LONP1: variants seen among roughly 807,000 people sequenced by gnomAD.
LONP1 encodes lon peptidase 1, mitochondrial.
Under a neutral mutation model 98.5 loss-of-function variants are expected in LONP1, and 31 were observed. The observed-to-expected ratio is 0.31, with a 90% CI of 0.24 to 0.42. The LOEUF is 0.42. Among genes scored for constraint, LONP1 ranks in the 20% least tolerant of loss-of-function variants. The probability of loss-of-function intolerance (pLI) is 1.00; values close to 1 mark genes in which losing one functional copy is unlikely to be tolerated. For missense variants in LONP1, 1,336 were observed against 1,350.6 expected (o/e 0.99, Z 0.17); for synonymous variants, 781 against 594.7 (o/e 1.31, Z -4.56).
intron 13 of LONP1, among the ~76,000 whole-genome samples, chr19:5,695,810 T>C (rs2054915540): frequency 6.6e-6 from 1 of 152,174 alleles, no homozygotes; most frequent in Non-Finnish European, 1.5e-5. Context: ...AGACAGAGTG[T>C]GTGGCCTGAC....
chr19:5,695,991 C>A, intron 13 of LONP1, 63 bp downstream of exon 13: 1 of 1,467,992 alleles, frequency 6.8e-7, no homozygotes, highest in Non-Finnish European at 9.3e-7. Flanking sequence ...ACGGCCTCTG[C>A]AGGCTCTGGG....
rs1568329236 is a variant in LONP1, at chr19:5,716,300, A to ATATATATATG, written c.430-2030_430-2029insCATATATATA. 5.9e-5 allele frequency among the ~76,000 whole-genome samples: 7 copies of ATATATATATG among 118,650 alleles called. 1 individual carries two copies. The highest frequency in any genetic ancestry group is 2.2e-4 in the African/African-American group (7 of 31,330). The allele number at this position is 118,650 out of a possible 152,430, so 77.8% of individuals were successfully genotyped here. On this transcript the variant is annotated intron_variant, in intron 1 of 17. Transcript: ENST00000360614. ...TATATATATATATATATATATATAT[A>ATATATATATG]GTAATGGCCCTCAAACTTTTGCAGG... is the stretch of plus-strand genomic sequence containing the variant.
chr19:5,697,594 G>C (rs1053285395), intron 10 of LONP1, among the ~76,000 whole-genome samples: 6 of 132,444 alleles, frequency 4.5e-5, no homozygotes, highest in Non-Finnish European at 8.1e-5. Flanking sequence ...AAGAGAGGGA[G>C]AGAGAGGAGG....
chr19:5,707,921 C>A (rs905145626), intron 5 of LONP1, 95 bp from the exon 6 acceptor site: 2 of 1,460,412 alleles, frequency 1.4e-6, no homozygotes, highest in Non-Finnish European at 1.9e-6. Flanking sequence ...GGTCCCTGTC[C>A]CCTGTAGCTA....
At chr19:5,697,400 T>C (rs561760193) in intron 10 of LONP1, among the ~76,000 whole-genome samples, 1 of 150,760 alleles carries the variant, frequency 6.6e-6, no homozygotes, top group African/African-American at 2.4e-5. Context: ...GTCTGAGAGA[T>C]GTGTTCCAGG....
chr19:5,707,318 C>T (rs896348238), intron 6 of LONP1, among the ~76,000 whole-genome samples, 175 bp from the exon 7 acceptor site: 1 of 152,214 alleles, frequency 6.6e-6, no homozygotes, highest in Non-Finnish European at 1.5e-5. Flanking sequence ...GCTGGAAACG[C>T]ATCCTACGGA....
chr19:5,697,674 A>AGC (rs1305104653), intron 10 of LONP1, among the ~76,000 whole-genome samples: 1 of 151,186 alleles, frequency 6.6e-6, no homozygotes, highest in African/African-American at 2.4e-5. Context: ...GGAACGTGGG[A>AGC]GCCCTGGAGA....
chr19:5,696,355 C>T lies in LONP1; in HGVS notation c.1790G>A (p.Arg597Gln), dbSNP rs772877627. Reference protein sequence around the residue: ...ILIDEVDKIGRGYQGDPSSAL... With the variant: ...ILIDEVDKIGQGYQGDPSSAL... ...CGACGACGGGTCCCCCTGGTAGCCT[C>T]GGCCGATCTTGTCCACCTGGGGCAG... The change falls in exon 12 of 18, where the codon CGA becomes CAA. Residue 597 changes from arginine (R) to glutamine (Q), a missense_variant. By Grantham distance (43) the Arg-to-Gln change is conservative. Transcript: ENST00000360614. 91 of 1,612,916 alleles carry T rather than the reference C, an allele frequency of 5.6e-5. 1 individual carries two copies. The South Asian group carries it at 8.2e-4, about 15-fold the overall frequency.
rs1189724215 is a variant in LONP1, at chr19:5,695,999, G to T, written c.2013+55C>A. 8 of 1,510,584 alleles carry T rather than the reference G, an allele frequency of 5.3e-6. No individual in the cohort carries two copies. The South Asian group carries it at 8.1e-5, about 15-fold the overall frequency. The allele number at this position is 1,510,584 out of a possible 1,614,324, so 93.6% of individuals were successfully genotyped here. A position where few individuals can be genotyped will look rare whatever the true frequency, so the allele number is the denominator to read the frequency against. ...CAGAGGCACGGCCTCTGCAGGCTCT[G>T]GGGGGCGCCCCCTGCTCTGGGAAGG... On this transcript the variant is annotated intron_variant, in intron 13 of 17. Coordinates refer to ENST00000360614, the MANE Select transcript of LONP1 (RefSeq NM_004793.4).
At chr19:5,703,506 G>C (rs2145603538) in intron 8 of LONP1, among the ~76,000 whole-genome samples, 1 of 152,260 alleles carries the variant, frequency 6.6e-6, no homozygotes, top group East Asian at 1.9e-4. Flanking sequence ...GAGCAAGTCA[G>C]TGAGGGCTGC....
rs979582559 is a variant in LONP1 at position 5,694,812 on chromosome 19, C to T, written c.2103G>A (p.Lys701=). 5.6e-6 allele frequency: 9 copies of T among 1,600,518 alleles called. No homozygotes were observed. Among genetic ancestry groups the T allele is most frequent in the Admixed American group, 5.0e-5 (3 of 59,796 alleles). ...GGACACCGCTCTCGCGGCAGTACTG[C>T]TTGATGAGCAGCGTCAGCACGTCCG... ...LSSDVLTLLI[K]QYCRESGVRN... is the part of the protein sequence containing the mutation. The change falls in exon 14 of 18, where the codon AAG becomes AAA. Residue 701 remains lysine (K), a synonymous_variant. Transcript: ENST00000360614.
intron 9 of LONP1, among the ~76,000 whole-genome samples, chr19:5,699,510 T>C (rs1568316377): frequency 6.7e-6 from 1 of 150,266 alleles, no homozygotes; most frequent in African/African-American, 2.4e-5. Flanking sequence ...CTCCACTCTC[T>C]CCGGTCCAAC....
chr19:5,706,717 C>T (rs1322121645), intron 7 of LONP1, among the ~76,000 whole-genome samples: 1 of 152,198 alleles, frequency 6.6e-6, no homozygotes, highest in Non-Finnish European at 1.5e-5. Context: ...TCTTAAGAAA[C>T]AGCATCTTCA....
Position 5,719,891 on chromosome 19 carries a change from C to T in LONP1, c.242G>A (p.Gly81Glu). Residue 81 changes from glycine to glutamate, a missense_variant, in exon 1 of 18, where the codon GGG becomes GAG. Around this residue, in one of 5 missense-constraint regions of LONP1, gnomAD observed 457 missense variants for 403.1 expected, o/e 1.13. Coordinates refer to ENST00000360614, the MANE Select transcript of LONP1 (RefSeq NM_004793.4). The part of the protein sequence containing the change: ...ASSRGGGAFS[G>E]GEDASEGGAE... ...GCCGCCCTCGGAGGCGTCCTCGCCCCCCGAGAATGCGCCTCCGCCGCGGCT... is the reference window on the plus strand; with the variant it reads ...GCCGCCCTCGGAGGCGTCCTCGCCCTCCGAGAATGCGCCTCCGCCGCGGCT... 1.9e-6 allele frequency: 3 copies of T among 1,563,496 alleles called. No individual in the cohort carries two copies. Among genetic ancestry groups the T allele is most frequent in the Non-Finnish European group, 2.6e-6 (3 of 1,155,788 alleles).
At position 5,715,382 on chromosome 19, in the gene LONP1, G is replaced by A. The variant is rs549934755; in HGVS notation, c.430-1111C>T. ...TTTCAGGCTGGGCGCGGTGGCTCAC[G>A]CCTGTAATCCCAGCACTTTGGGAGG... On this transcript the variant is annotated intron_variant, in intron 1 of 17. Transcript: ENST00000360614. Among the ~76,000 whole-genome samples, 950 of 146,732 alleles carry A rather than the reference G, an allele frequency of 6.5e-3. 8 individuals are homozygous for A. Among genetic ancestry groups the A allele is most frequent in the South Asian group, 0.015 (70 of 4,664 alleles).
chr19:5,691,993 A>AGGGCCTGACGTCT lies in LONP1; in HGVS notation c.*38_*39insAGACGTCAGGCCC. 6.3e-7 allele frequency: 1 copy of AGGGCCTGACGTCT among 1,590,174 alleles called. No individual in the cohort carries two copies. Among genetic ancestry groups the AGGGCCTGACGTCT allele is most frequent in the Non-Finnish European group, 8.6e-7 (1 of 1,167,270 alleles). On this transcript the variant is annotated 3_prime_UTR_variant, in exon 18 of 18. Transcript: ENST00000360614. The stretch of plus-strand genomic sequence containing the variant: ...CACAGCGCTCAGTTCTGGCCCAGAC[A>AGGGCCTGACGTCT]GGGCCTGACATCCGCCGCCTGCAGT...
At position 5,693,554 on chromosome 19, in the gene LONP1, C is replaced by T. The variant is rs752945140; in HGVS notation, c.2536G>A (p.Glu846Lys). Reference sequence around the variant, plus strand: ...GTGGGAGCGGATGGCGCGGTCACCTCGGGCACATGCAGGTGGATGTGTGAG... The same window carrying T: ...GTGGGAGCGGATGGCGCGGTCACCTTGGGCACATGCAGGTGGATGTGTGAG... ...VTSHIHLHVP[E>K]GATPKDGPSA... The change falls in exon 16 of 18, where the codon GAG (glutamate) becomes AAG (lysine). Residue 846 changes from glutamate (E) to lysine (K), a missense_variant and splice_region_variant. Glu to Lys is a moderately conservative substitution (Grantham distance 56). Around this residue, in one of 5 missense-constraint regions of LONP1, gnomAD observed 555 missense variants for 542.6 expected, o/e 1.02. Coordinates refer to ENST00000360614, the MANE Select transcript of LONP1 (RefSeq NM_004793.4). 1.5e-5 allele frequency: 24 copies of T among 1,613,844 alleles called. No homozygotes were observed. Among genetic ancestry groups the T allele is most frequent in the Admixed American group, 3.3e-5 (2 of 59,992 alleles).
chr19:5,707,170 A>C, intron 6 of LONP1, 27 bp from the exon 7 acceptor site: 1 of 1,601,198 alleles, frequency 6.2e-7, no homozygotes. Context: ...GACAGAAAGG[A>C]TGAGCAGAAG....
At chr19:5,700,955 G>A (rs746427075) in intron 8 of LONP1, 28 bp from the exon 9 acceptor site, 16 of 1,613,430 alleles carry the variant, frequency 9.9e-6, no homozygotes, top group Non-Finnish European at 1.4e-5. Flanking sequence ...GAGAGATGCT[G>A]AGTGGAGCTC....
Sources: allele counts gnomAD v4.1 joint callset (sites outside exome capture counted in the v4.1 genomes callset), GRCh38; gene constraint gnomAD v4.1.1; regional missense constraint gnomAD v4.1.1; transcripts MANE v1.5; gene names NCBI Gene and HGNC (gene_info 2026-07-23, HGNC 2026-07-21).